DMD: variants seen among roughly 807,000 people sequenced by gnomAD.
The protein encoded by DMD is mutant dystrophin.
In DMD, 63 loss-of-function variants were observed where a neutral mutation model predicts 330.1. The observed-to-expected ratio is 0.19, with a 90% CI of 0.16 to 0.24. The LOEUF is 0.24. DMD is among the 10% of genes least tolerant of loss of function. The pLI is 1.00. For missense variants in DMD, 3,344 were observed against 2,684.1 expected (o/e 1.25, Z -5.43); for synonymous variants, 1,223 against 959.8 (o/e 1.27, Z -5.07).
In DMD at chrX:32,425,979, CA is replaced by C. The variant is rs764694485; in HGVS notation, c.4071+12261del. Reference sequence around the variant, plus strand: ...CTTACACCATATACAAAAATCAACTCAAGATGAATGAAAGACTTAAAATGTC... The same window carrying C: ...CTTACACCATATACAAAAATCAACTCAGATGAATGAAAGACTTAAAATGTC... On this transcript the variant is annotated intron_variant, in intron 29 of 78. Coordinates refer to ENST00000357033, the MANE Select transcript of DMD (RefSeq NM_004006.3). Among the ~76,000 whole-genome samples, 3 of 111,788 alleles carry C rather than the reference CA, an allele frequency of 2.7e-5. No individual in the cohort carries two copies. The East Asian group carries it at 8.4e-4, about 31-fold the overall frequency.
intron 7 of DMD, among the ~76,000 whole-genome samples, chrX:32,705,555 T>G (rs1166591547): frequency 8.9e-6 from 1 of 111,886 alleles, no homozygotes; most frequent in Non-Finnish European, 1.9e-5. Flanking sequence ...AGCTCATGCC[T>G]GTAATCCCAG....
chrX:32,387,020 T>C (rs779602133), intron 32 of DMD, among the ~76,000 whole-genome samples: 1 of 110,781 alleles, frequency 9.0e-6, no homozygotes, highest in South Asian at 3.7e-4. Context: ...ATATATATTG[T>C]ATCATATATA....
Position 32,454,815 on chromosome X carries a change from C to A in DMD, c.3450G>T (p.Glu1150Asp), listed in dbSNP as rs142967431. The A allele has an allele frequency of 8.3e-7, 1 of 1,207,317 alleles. No homozygotes were observed. Among genetic ancestry groups the A allele is most frequent in the Non-Finnish European group, 1.1e-6 (1 of 893,186 alleles). The change falls in exon 26 of 79, where the codon GAG becomes GAT. Residue 1150 changes from glutamate to aspartate, a missense_variant. Physicochemically the swap from Glu to Asp is conservative, Grantham distance 45. Transcript: ENST00000357033. ...TTTTCTCCAAACCTCCCTTCAAGGC[C>A]TCCTTTCTGGCATAGACCTTCCACA... is the stretch of plus-strand genomic sequence containing the variant. ...HMCQQVYARK[E>D]ALKGGLEKTV...
At chrX:31,194,768 T>G (rs911160651) in intron 67 of DMD, among the ~76,000 whole-genome samples, 1 of 112,299 alleles carries the variant, frequency 8.9e-6, no homozygotes, top group African/African-American at 3.2e-5. Context: ...CAAGAGTGAT[T>G]TTAGTAACTG....
intron 51 of DMD, among the ~76,000 whole-genome samples, chrX:31,746,410 T>C (rs2087841566): frequency 8.9e-6 from 1 of 112,129 alleles, no homozygotes; most frequent in African/African-American, 3.2e-5. Flanking sequence ...GTTCAATTCA[T>C]GTTTCCCATA....
At chrX:32,521,378 T>G (rs1279366973) in intron 17 of DMD, among the ~76,000 whole-genome samples, 1 of 111,840 alleles carries the variant, frequency 8.9e-6, no homozygotes, top group Non-Finnish European at 1.9e-5. Context: ...TGCCACTCTA[T>G]TCTAATTTGC....
chrX:33,063,388 T>C (rs1024522209), intron 1 of DMD, among the ~76,000 whole-genome samples: 1 of 111,633 alleles, frequency 9.0e-6, no homozygotes, highest in African/African-American at 3.3e-5. Flanking sequence ...CTGCAACAAA[T>C]ATAAAAAGGG....
chrX:31,706,857 T>C (rs1444547831), intron 52 of DMD, among the ~76,000 whole-genome samples: 1 of 112,376 alleles, frequency 8.9e-6, no homozygotes, highest in African/African-American at 3.2e-5. Flanking sequence ...ATGGATTCTT[T>C]CAATCTGAAT....
intron 57 of DMD, 31 bp from the exon 58 acceptor site, chrX:31,479,134 T>C: frequency 1.7e-6 from 2 of 1,209,157 alleles, no homozygotes; most frequent in South Asian, 3.5e-5. Context: ...AAGTGCTTAT[T>C]TGGCTTGTGG....
At chrX:32,774,598 G>T (rs1264688987) in intron 7 of DMD, among the ~76,000 whole-genome samples, 1 of 111,164 alleles carries the variant, frequency 9.0e-6, no homozygotes, top group Non-Finnish European at 1.9e-5. Flanking sequence ...GGAGGGGGCA[G>T]GGAACAGCCA....
chrX:33,236,118 T>G (rs187879993), intron 1 of DMD, among the ~76,000 whole-genome samples: 17,344 of 105,365 alleles, frequency 0.16, 2,704 homozygotes, highest in African/African-American at 0.49. Flanking sequence ...GGGTTTCACC[T>G]TGTTAGCCAG....
At chrX:32,432,803 G>T (rs761390449) in intron 29 of DMD, among the ~76,000 whole-genome samples, 1 of 111,879 alleles carries the variant, frequency 8.9e-6, no homozygotes, top group Admixed American at 9.5e-5. Flanking sequence ...ATGTTCTTCC[G>T]TTCTGGTCTA....
At chrX:33,009,752 A>G (rs868305987) in intron 2 of DMD, among the ~76,000 whole-genome samples, 1 of 49,922 alleles carries the variant, frequency 2.0e-5, no homozygotes, top group African/African-American at 7.7e-5. Flanking sequence ...ACATATGTGT[A>G]TATGTGTGTA....
chrX:32,775,214 C>G (rs1603401781), intron 7 of DMD, among the ~76,000 whole-genome samples: 1 of 112,552 alleles, frequency 8.9e-6, no homozygotes, highest in African/African-American at 3.2e-5. Flanking sequence ...GCCCCCATGG[C>G]TTTCACAGTG....
chrX:31,177,577 G>A (rs1055360636), intron 71 of DMD, among the ~76,000 whole-genome samples: 1 of 111,244 alleles, frequency 9.0e-6, no homozygotes, highest in African/African-American at 3.3e-5. Context: ...GTAATCAGAA[G>A]CTTCTTCCTT....
chrX:32,246,648 A>G (rs1011628510), intron 43 of DMD, among the ~76,000 whole-genome samples: 3 of 95,804 alleles, frequency 3.1e-5, no homozygotes, highest in African/African-American at 1.2e-4. Context: ...AGCTCCTGTT[A>G]TTGGTCTATT....
intron 7 of DMD, among the ~76,000 whole-genome samples, chrX:32,706,195 G>T (rs1483192251): frequency 4.9e-5 from 4 of 82,102 alleles, no homozygotes; most frequent in Non-Finnish European, 9.0e-5. Flanking sequence ...TTGGACACAG[G>T]AAGGGGAACA....
In DMD at chrX:32,698,010, G is replaced by A; in HGVS notation, c.832-12C>T. 8.4e-7 allele frequency: 1 copy of A among 1,185,448 alleles called. No individual in the cohort carries two copies. Among genetic ancestry groups the A allele is most frequent in the Non-Finnish European group, 1.1e-6 (1 of 881,853 alleles). ...AGACTGACCGTGATCTGCAGAGAAG[G>A]GTTTGGGGGAGTGGATAGAGAGGAG... On this transcript the variant is annotated splice_polypyrimidine_tract_variant and intron_variant, in intron 8 of 78. Transcript: ENST00000357033.
chrX:32,470,968 G>A (rs1295062807), intron 22 of DMD, among the ~76,000 whole-genome samples: 2 of 111,691 alleles, frequency 1.8e-5, no homozygotes, highest in African/African-American at 6.5e-5. Flanking sequence ...AACATATAAT[G>A]TAGTATTTTA....
Sources: allele counts gnomAD v4.1 joint callset (sites outside exome capture counted in the v4.1 genomes callset), GRCh38; gene constraint gnomAD v4.1.1; transcripts MANE v1.5; gene names NCBI Gene and HGNC (gene_info 2026-07-23, HGNC 2026-07-21).